PCDH11X: variants seen among roughly 807,000 people sequenced by gnomAD.
PCDH11X encodes protocadherin 11 X-linked, also known as protocadherin-11 X-linked.
Under a neutral mutation model 53.3 loss-of-function variants are expected in PCDH11X, and 18 were observed. The ratio of observed to expected loss-of-function variants is 0.34; its 90% CI spans 0.23 to 0.50. PCDH11X has a LOEUF of 0.50. Ranked by LOEUF, PCDH11X falls within the 20% of genes least tolerant of loss-of-function variation. The probability of loss-of-function intolerance (pLI) is 0.98; values close to 1 mark genes in which losing one functional copy is unlikely to be tolerated. For synonymous variants in PCDH11X, 279 were observed against 393.3 expected (o/e 0.71, Z 3.44); for missense variants, 570 against 1,032.4 (o/e 0.55, Z 6.14).
chrX:91,823,336 T>C (rs1447922797), intron 4 of PCDH11X, among the ~76,000 whole-genome samples: 1 of 110,794 alleles, frequency 9.0e-6, no homozygotes, highest in Admixed American at 9.6e-5. Flanking sequence ...ACTCAGGACT[T>C]GCTTTATGAA....
intron 6 of PCDH11X, among the ~76,000 whole-genome samples, chrX:92,006,288 T>A (rs1263841457): frequency 9.2e-6 from 1 of 109,201 alleles, no homozygotes; most frequent in African/African-American, 3.3e-5. Flanking sequence ...GTGTGCTTCA[T>A]TTTTTTTATT....
intron 5 of PCDH11X, among the ~76,000 whole-genome samples, chrX:91,840,598 G>C (rs1937492449): frequency 9.0e-6 from 1 of 111,572 alleles, no homozygotes; most frequent in African/African-American, 3.3e-5. Context: ...TTTGCGATCT[G>C]GGGTTAGAAA....
intron 7 of PCDH11X, among the ~76,000 whole-genome samples, chrX:92,220,561 G>C (rs2066846245): frequency 9.1e-6 from 1 of 110,358 alleles, no homozygotes; most frequent in African/African-American, 3.3e-5. Context: ...AGGTGCTGGA[G>C]AGGATGTGGA....
intron 6 of PCDH11X, among the ~76,000 whole-genome samples, chrX:92,000,303 C>T (rs2062488430): frequency 9.0e-6 from 1 of 111,484 alleles, no homozygotes; most frequent in African/African-American, 3.3e-5. Flanking sequence ...TGCCAAGGTG[C>T]CAGTGGACTG....
chrX:92,308,773 A>T (rs2068883714), intron 8 of PCDH11X, among the ~76,000 whole-genome samples: 1 of 111,619 alleles, frequency 9.0e-6, no homozygotes, highest in African/African-American at 3.3e-5. Context: ...TAGCTAAAGT[A>T]TTCCTACAAC....
chrX:92,254,935 C>T (rs1306032521), intron 7 of PCDH11X, among the ~76,000 whole-genome samples: 4 of 97,993 alleles, frequency 4.1e-5, no homozygotes, highest in Non-Finnish European at 8.2e-5. Context: ...TTGCTCTTCT[C>T]GAGGAGTATC....
intron 7 of PCDH11X, among the ~76,000 whole-genome samples, chrX:92,221,626 T>C (rs1424848972): frequency 1.8e-5 from 2 of 111,889 alleles, no homozygotes; most frequent in African/African-American, 3.2e-5. Flanking sequence ...ATTTGAGAGA[T>C]TGTCTTTAAA....
chrX:91,791,556 G>A (rs1437611485), intron 1 of PCDH11X, among the ~76,000 whole-genome samples: 1 of 109,450 alleles, frequency 9.1e-6, no homozygotes, highest in Non-Finnish European at 1.9e-5. Flanking sequence ...CTTCAACACT[G>A]GGGATTAAAA....
At chrX:91,799,921 T>C (rs1935871634) in intron 1 of PCDH11X, among the ~76,000 whole-genome samples, 1 of 111,245 alleles carries the variant, frequency 9.0e-6, no homozygotes, top group Admixed American at 9.5e-5. Flanking sequence ...TAACGCCGTC[T>C]CTATTAAAAA....
intron 10 of PCDH11X, among the ~76,000 whole-genome samples, chrX:92,545,648 C>G (rs149681860): frequency 1.8e-5 from 2 of 110,336 alleles, no homozygotes; most frequent in Admixed American, 9.7e-5. Context: ...TGATCCTCCC[C>G]CTTCAGCCTA....
At chrX:92,508,213 GT>G (rs201788107) in intron 10 of PCDH11X, among the ~76,000 whole-genome samples, 1 of 64,263 alleles carries the variant, frequency 1.6e-5, no homozygotes, top group African/African-American at 4.2e-5. Context: ...ACTCTACTTT[GT>G]TTTTTTTTGT....
chrX:91,827,585 G>T (rs1936965039), intron 4 of PCDH11X, among the ~76,000 whole-genome samples: 1 of 107,720 alleles, frequency 9.3e-6, no homozygotes, highest in Non-Finnish European at 1.9e-5. Flanking sequence ...TTATAGTTTT[G>T]GGTTTTATGG....
intron 6 of PCDH11X, among the ~76,000 whole-genome samples, chrX:92,081,733 C>CAT (rs2063860003): frequency 9.1e-6 from 1 of 110,463 alleles, no homozygotes; most frequent in Admixed American, 9.7e-5. Context: ...CACACACACA[C>CAT]ACACATACAT....
intron 10 of PCDH11X, among the ~76,000 whole-genome samples, chrX:92,517,377 C>T (rs1179242207): frequency 8.9e-6 from 1 of 112,032 alleles, no homozygotes; most frequent in African/African-American, 3.2e-5. Flanking sequence ...GACATAGCTA[C>T]ATCACATTAC....
At chrX:91,900,359 G>T (rs1940908794) in intron 6 of PCDH11X, among the ~76,000 whole-genome samples, 1 of 110,766 alleles carries the variant, frequency 9.0e-6, no homozygotes, top group Admixed American at 9.6e-5. Context: ...AATGTCATGG[G>T]AACAGGAAGC....
intron 10 of PCDH11X, among the ~76,000 whole-genome samples, chrX:92,496,532 C>CT (rs2073862949): frequency 9.6e-6 from 1 of 104,115 alleles, no homozygotes; most frequent in Non-Finnish European, 1.9e-5. Context: ...TTGCACAAGC[C>CT]TTTTTTCAGA....
chrX:91,805,521 A>G (rs753240703), intron 1 of PCDH11X, among the ~76,000 whole-genome samples: 2 of 111,633 alleles, frequency 1.8e-5, no homozygotes, highest in East Asian at 2.8e-4. Context: ...TTCACACTAA[A>G]ATGAGTGATT....
intron 9 of PCDH11X, among the ~76,000 whole-genome samples, chrX:92,430,825 T>A (rs1311674106): frequency 1.8e-5 from 2 of 109,152 alleles, no homozygotes; most frequent in African/African-American, 3.3e-5. Context: ...TAAATCAGGT[T>A]TACAACTCTG....
chrX:92,293,420 C>A (rs1212563850), intron 8 of PCDH11X, among the ~76,000 whole-genome samples: 2 of 109,556 alleles, frequency 1.8e-5, no homozygotes, highest in African/African-American at 3.3e-5. Context: ...GTCAGGAGAT[C>A]GAGACCATCC....
Sources: gnomAD v4.1 joint callset for allele counts (sites outside exome capture counted in the v4.1 genomes callset) on GRCh38, gnomAD v4.1.1 for gene constraint, MANE v1.5 for transcripts, NCBI Gene and HGNC (gene_info 2026-07-23, HGNC 2026-07-21) for gene names.